Variants in NRXN1 observed in about 807,000 individuals in gnomAD.
NRXN1 encodes the protein neurexin 1.
NRXN1 carries 39 observed loss-of-function variants against 150.9 expected under a neutral mutation model. The observed-to-expected ratio is 0.26, with a 90% confidence interval of 0.20 to 0.34. The LOEUF is 0.34. Ranked by LOEUF, NRXN1 falls within the 10% of genes least tolerant of loss-of-function variation. The pLI is 1.00. For synonymous variants in NRXN1, 924 were observed against 757.0 expected (o/e 1.22, Z -3.62); for missense variants, 1,815 against 1,949.9 (o/e 0.93, Z 1.30).
intron 5 of NRXN1, among the ~76,000 whole-genome samples, chr2:50,715,186 C>T (rs1695711142): frequency 6.6e-6 from 1 of 152,116 alleles, no homozygotes; most frequent in South Asian, 2.1e-4. Context: ...TTATTTTTAA[C>T]ACTATACAGG....
chr2:50,435,723 G>A (rs2085362007), intron 17 of NRXN1, among the ~76,000 whole-genome samples: 1 of 152,132 alleles, frequency 6.6e-6, no homozygotes, highest in Non-Finnish European at 1.5e-5. Flanking sequence ...TCACCAGACT[G>A]TTCTCACTAT....
intron 21 of NRXN1, among the ~76,000 whole-genome samples, chr2:49,991,297 C>T (rs1558648176): frequency 6.6e-6 from 1 of 152,122 alleles, no homozygotes; most frequent in African/African-American, 2.4e-5. Context: ...ACTATCTTTG[C>T]TTGCAGGTGA....
intron 5 of NRXN1, among the ~76,000 whole-genome samples, chr2:50,869,052 T>A (rs1016148284): frequency 1.3e-5 from 2 of 151,800 alleles, no homozygotes; most frequent in Non-Finnish European, 2.9e-5. Flanking sequence ...CATAGTCCAA[T>A]CCTCTTTAGG....
At chr2:50,927,449 T>C (rs1027410833) in intron 2 of NRXN1, among the ~76,000 whole-genome samples, 5 of 152,002 alleles carry the variant, frequency 3.3e-5, no homozygotes, top group African/African-American at 1.2e-4. Context: ...AAATATTTGG[T>C]CTGTGATATT....
intron 19 of NRXN1, among the ~76,000 whole-genome samples, chr2:50,073,338 C>A (rs1696584523): frequency 6.6e-6 from 1 of 152,196 alleles, no homozygotes; most frequent in Non-Finnish European, 1.5e-5. Context: ...TAAGTCCAGA[C>A]ACATAGCCGG....
rs1679094162 is a variant in NRXN1, at chr2:49,976,936, A to G, written c.4129-33145T>C. Among the ~76,000 whole-genome samples, 5 of 152,192 alleles carry G rather than the reference A, an allele frequency of 3.3e-5. No individual in the cohort carries two copies. The South Asian group carries it at 1.0e-3, about 32-fold the overall frequency. On this transcript the variant is annotated intron_variant, in intron 21 of 22. Transcript: ENST00000401669. ...GCAATTAGCAAAAAGTGGCCAAGCTAAACTTGAATTTCAATTTAGGGTATT... is the reference window on the plus strand; with the variant it reads ...GCAATTAGCAAAAAGTGGCCAAGCTGAACTTGAATTTCAATTTAGGGTATT...
At chr2:50,435,780 C>G (rs1382896159) in intron 17 of NRXN1, among the ~76,000 whole-genome samples, 1 of 152,144 alleles carries the variant, frequency 6.6e-6, no homozygotes, top group African/African-American at 2.4e-5. Context: ...AAGAAGGGAA[C>G]GACAGACACT....
intron 21 of NRXN1, among the ~76,000 whole-genome samples, chr2:50,043,012 G>A (rs1460789102): frequency 6.6e-6 from 1 of 152,098 alleles, no homozygotes; most frequent in Non-Finnish European, 1.5e-5. Flanking sequence ...GAACACTGCT[G>A]GCAGATGAGT....
chr2:50,530,109 G>A (rs563660269), intron 11 of NRXN1, among the ~76,000 whole-genome samples: 14 of 151,744 alleles, frequency 9.2e-5, no homozygotes, highest in East Asian at 1.9e-4. Context: ...TTCTATATAC[G>A]TGTGTTTAAC....
At chr2:50,633,494 C>T (rs1682723090) in intron 5 of NRXN1, among the ~76,000 whole-genome samples, 1 of 151,338 alleles carries the variant, frequency 6.6e-6, no homozygotes, top group African/African-American at 2.4e-5. Flanking sequence ...GAAGGCTTGA[C>T]CAAGGCTTTT....
intron 8 of NRXN1, among the ~76,000 whole-genome samples, chr2:50,601,065 T>A (rs948296253): frequency 6.6e-6 from 1 of 151,958 alleles, no homozygotes; most frequent in African/African-American, 2.4e-5. Context: ...TGATGAGACA[T>A]CTTGGCAAAA....
intron 2 of NRXN1, among the ~76,000 whole-genome samples, chr2:50,949,102 A>G (rs900067714): frequency 1.3e-5 from 2 of 152,052 alleles, no homozygotes; most frequent in Non-Finnish European, 2.9e-5. Flanking sequence ...GGACTGTCCT[A>G]TTAAAAGTTG....
chr2:50,059,766 T>C (rs987824725), intron 19 of NRXN1, among the ~76,000 whole-genome samples: 1 of 152,234 alleles, frequency 6.6e-6, no homozygotes, highest in African/African-American at 2.4e-5. Context: ...CTCAGGTCGT[T>C]GCTTCAGAGG....
chr2:50,608,796 G>A (rs1186349877), intron 8 of NRXN1, among the ~76,000 whole-genome samples: 4 of 152,084 alleles, frequency 2.6e-5, no homozygotes, highest in Non-Finnish European at 5.9e-5. Flanking sequence ...AGTGAACACA[G>A]GCAGGGAAGA....
intron 18 of NRXN1, among the ~76,000 whole-genome samples, chr2:50,181,438 C>A (rs953765395): frequency 2.0e-5 from 3 of 151,968 alleles, no homozygotes; most frequent in East Asian, 3.9e-4. Flanking sequence ...TAGGTAGATG[C>A]GGCATTATCT....
intron 17 of NRXN1, among the ~76,000 whole-genome samples, chr2:50,372,468 CTAAA>C (rs2080099921): frequency 6.6e-6 from 1 of 151,980 alleles, no homozygotes. Context: ...TGAGGTTCAC[CTAAA>C]TAAACACTGG....
At chr2:50,999,534 G>C (rs968676398) in intron 2 of NRXN1, among the ~76,000 whole-genome samples, 15 of 151,988 alleles carry the variant, frequency 9.9e-5, no homozygotes, top group South Asian at 2.1e-4. Flanking sequence ...TTGCTGACAT[G>C]TGATGTCTCC....
chr2:50,097,401 G>C (rs1158298570), intron 18 of NRXN1, among the ~76,000 whole-genome samples: 1 of 152,144 alleles, frequency 6.6e-6, no homozygotes, highest in African/African-American at 2.4e-5. Flanking sequence ...TCAGAATACA[G>C]AAAGACTCCC....
At position 50,989,759 on chromosome 2, in the gene NRXN1, G is replaced by A. The variant is rs530048076; in HGVS notation, c.772+37743C>T. Among the ~76,000 whole-genome samples, 11 of 152,092 alleles carry A rather than the reference G, an allele frequency of 7.2e-5. 1 individual carries two copies. In the South Asian group the frequency reaches 1.9e-3, roughly 26 times the overall value. On this transcript the variant is annotated intron_variant, in intron 2 of 22. Coordinates refer to ENST00000401669, the MANE Select transcript of NRXN1 (RefSeq NM_001330078.2). ...AATTATAAATAAAACCACTCTAAAC[G>A]TTAGGTACAGGTTTTGATTTCTGGT...
Sources: allele counts gnomAD v4.1 joint callset (sites outside exome capture counted in the v4.1 genomes callset), GRCh38; gene constraint gnomAD v4.1.1; transcripts MANE v1.5; gene names NCBI Gene and HGNC (gene_info 2026-07-23, HGNC 2026-07-21).